LMX1B: variants seen among roughly 807,000 people sequenced by gnomAD.
LMX1B encodes the protein LIM homeobox transcription factor 1-beta.
LMX1B carries 12 observed loss-of-function variants against 51.4 expected under a neutral mutation model. That is an observed-to-expected ratio of 0.23 (90% CI 0.15 to 0.38). The LOEUF is 0.38. Among genes scored for constraint, LMX1B ranks in the 10% least tolerant of loss-of-function variants. The probability of loss-of-function intolerance (pLI) is 1.00; values close to 1 mark genes in which losing one functional copy is unlikely to be tolerated. For synonymous variants in LMX1B, 237 were observed against 235.4 expected (o/e 1.01, Z -0.06); for missense variants, 445 against 571.1 (o/e 0.78, Z 2.25).
At chr9:126,667,029 G>A (rs940116501) in intron 2 of LMX1B, among the ~76,000 whole-genome samples, 6 of 152,064 alleles carry the variant, frequency 3.9e-5, no homozygotes, top group Admixed American at 6.6e-5. Context: ...TTACAAAATC[G>A]TTGTTGCTCA....
rs1461978294 is a variant in LMX1B, at chr9:126,671,607, C to T, written c.327-19229C>T. ...CCCCAGACGGGGCACTGCTCCAGGC[C>T]GGCTCTGGCTCTCTAATCCTGTATC... On this transcript the variant is annotated intron_variant, in intron 2 of 7. Coordinates refer to ENST00000373474, the MANE Select transcript of LMX1B (RefSeq NM_001174147.2). The surrounding 1 kb of genome is among the most constrained non-coding windows in gnomAD (Gnocchi z 4.4). Among the ~76,000 whole-genome samples, 3 of 152,226 alleles carry T rather than the reference C, an allele frequency of 2.0e-5. No individual in the cohort carries two copies. The highest frequency in any genetic ancestry group is 1.9e-4 in the East Asian group (1 of 5,194).
In LMX1B at chr9:126,615,580, C is replaced by T. The variant is rs554406767; in HGVS notation, c.326+11C>T. The T allele has an allele frequency of 6.3e-7, 1 of 1,599,834 alleles. No individual in the cohort carries two copies. Among genetic ancestry groups the T allele is most frequent in the Non-Finnish European group, 8.5e-7 (1 of 1,173,134 alleles). On this transcript the variant is annotated intron_variant, in intron 2 of 7. Coordinates refer to ENST00000373474, the MANE Select transcript of LMX1B (RefSeq NM_001174147.2). This position sits in a 1 kb window ranked among gnomAD's most constrained non-coding sequence, Gnocchi z 6.0. ...ACAAGACTACCAACAGTAAGCGCTT[C>T]TCGTCCTCCTTCCCCGCCACCGCCC...
intron 2 of LMX1B, among the ~76,000 whole-genome samples, chr9:126,638,122 C>T (rs1443596403): frequency 6.6e-6 from 1 of 152,012 alleles, no homozygotes; most frequent in African/African-American, 2.4e-5. Flanking sequence ...GGCAGCAGTT[C>T]CAGGGCAGGG....
At chr9:126,634,225 G>GA (rs1835676244) in intron 2 of LMX1B, among the ~76,000 whole-genome samples, 1 of 152,218 alleles carries the variant, frequency 6.6e-6, no homozygotes, top group Non-Finnish European at 1.5e-5. Context: ...ACTTTGGCAG[G>GA]ATGGGGCATG....
chr9:126,693,574 G>A lies in LMX1B; in HGVS notation c.792G>A (p.Gln264=). Reference sequence around the variant, plus strand: ...CGGGCCTCAGTGTGCGCGTGGTCCAGGTCTGGTTTCAGAACCAAAGAGCAA... The same window carrying A: ...CGGGCCTCAGTGTGCGCGTGGTCCAAGTCTGGTTTCAGAACCAAAGAGCAA... ...AETGLSVRVV[Q]VWFQNQRAKM... Residue 264 remains glutamine (Q), a synonymous_variant, in exon 5 of 8, where the codon CAG becomes CAA. Coordinates refer to ENST00000373474, the MANE Select transcript of LMX1B (RefSeq NM_001174147.2). The A allele has an allele frequency of 6.2e-7, 1 of 1,614,168 alleles. No individual in the cohort carries two copies. The highest frequency in any genetic ancestry group is 1.3e-5 in the African/African-American group (1 of 75,058).
rs376415322 is a variant in LMX1B at position 126,615,759 on chromosome 9, G to A, written c.326+190G>A. Among the ~76,000 whole-genome samples the A allele has an allele frequency of 2.1e-4, 32 of 152,292 alleles. No homozygotes were observed. Among genetic ancestry groups the A allele is most frequent in the African/African-American group, 6.0e-4 (25 of 41,576 alleles). ...AGCCCAGCCCAGCGGGCACTGATGGGGTCCTGGGAGCCTCCGGACGGCCCC... is the reference window on the plus strand; with the variant it reads ...AGCCCAGCCCAGCGGGCACTGATGGAGTCCTGGGAGCCTCCGGACGGCCCC... On this transcript the variant is annotated intron_variant, in intron 2 of 7. Coordinates refer to ENST00000373474, the MANE Select transcript of LMX1B (RefSeq NM_001174147.2). The surrounding 1 kb of genome is among the most constrained non-coding windows in gnomAD (Gnocchi z 6.0).
rs1459528437 is a variant in LMX1B, at chr9:126,615,695, G to A, written c.326+126G>A. The A allele has an allele frequency of 5.9e-6, 5 of 849,818 alleles. No homozygotes were observed. In the African/African-American group the frequency reaches 9.1e-5, roughly 15 times the overall value. 52.6% of individuals were successfully genotyped at this position (849,818 alleles called of 1,614,324 possible). A position where few individuals can be genotyped will look rare whatever the true frequency, so the allele number is the denominator to read the frequency against. On this transcript the variant is annotated intron_variant, in intron 2 of 7. Transcript: ENST00000373474. The surrounding 1 kb of genome is among the most constrained non-coding windows in gnomAD (Gnocchi z 6.0). Reference sequence around the variant, plus strand: ...GCGCGGCTGGGCCGGGCAGCTCCAAGGGTTCCGAGAGCTGCGCGTCTTGGG... The same window carrying A: ...GCGCGGCTGGGCCGGGCAGCTCCAAAGGTTCCGAGAGCTGCGCGTCTTGGG...
chr9:126,669,331 G>C (rs1314911536), intron 2 of LMX1B, among the ~76,000 whole-genome samples: 1 of 152,206 alleles, frequency 6.6e-6, no homozygotes, highest in Non-Finnish European at 1.5e-5. Flanking sequence ...CAATCTGTGA[G>C]TCGGGAGCCC....
At chr9:126,642,581 C>T (rs1835828936) in intron 2 of LMX1B, among the ~76,000 whole-genome samples, 1 of 152,246 alleles carries the variant, frequency 6.6e-6, no homozygotes, top group Non-Finnish European at 1.5e-5. Context: ...TCTGGGCACC[C>T]CCAGCTGTCC....
At position 126,613,975 on chromosome 9, in the gene LMX1B, G is replaced by C. The variant is rs1393518246; in HGVS notation, c.-475G>C. Reference sequence around the variant, plus strand: ...GCTCAGCGGGCGCACCATGGCACTGGAGTAGCGCGGGGAGCGCGCCCGGAG... The same window carrying C: ...GCTCAGCGGGCGCACCATGGCACTGCAGTAGCGCGGGGAGCGCGCCCGGAG... On this transcript the variant is annotated 5_prime_UTR_variant, in exon 1 of 8. Coordinates refer to ENST00000373474, the MANE Select transcript of LMX1B (RefSeq NM_001174147.2). The surrounding 1 kb of genome is among the most constrained non-coding windows in gnomAD (Gnocchi z 4.5). Among the ~76,000 whole-genome samples, 2 of 145,580 alleles carry C rather than the reference G, an allele frequency of 1.4e-5. No individual in the cohort carries two copies. The highest frequency in any genetic ancestry group is 6.8e-5 in the Admixed American group (1 of 14,670).
chr9:126,676,344 C>T (rs1240062384), intron 2 of LMX1B, among the ~76,000 whole-genome samples: 1 of 152,208 alleles, frequency 6.6e-6, no homozygotes, highest in Non-Finnish European at 1.5e-5. Context: ...TGCTCCCCAC[C>T]ACAGTCCCCA....
At chr9:126,634,351 G>A (rs1048153713) in intron 2 of LMX1B, among the ~76,000 whole-genome samples, 2 of 152,202 alleles carry the variant, frequency 1.3e-5, no homozygotes, top group African/African-American at 4.8e-5. Flanking sequence ...GCCAGCGTCA[G>A]TTTCATACAG....
rs1422154650 is a variant in LMX1B at position 126,625,526 on chromosome 9, G to A, written c.326+9957G>A. Among the ~76,000 whole-genome samples the A allele has an allele frequency of 1.3e-5, 2 of 152,202 alleles. No individual in the cohort carries two copies. The highest frequency in any genetic ancestry group is 4.8e-5 in the African/African-American group (2 of 41,450). Reference sequence around the variant, plus strand: ...GAGATGCCAGGCTGGGGCCCTCGGCGGGGCAGATTTCGTTGGATCCCTGGG... The same window carrying A: ...GAGATGCCAGGCTGGGGCCCTCGGCAGGGCAGATTTCGTTGGATCCCTGGG... On this transcript the variant is annotated intron_variant, in intron 2 of 7. Coordinates refer to ENST00000373474, the MANE Select transcript of LMX1B (RefSeq NM_001174147.2). This position sits in a 1 kb window ranked among gnomAD's most constrained non-coding sequence, Gnocchi z 5.3.
intron 2 of LMX1B, among the ~76,000 whole-genome samples, chr9:126,681,579 C>CT (rs1162041938): frequency 6.6e-6 from 1 of 152,066 alleles, no homozygotes; most frequent in Non-Finnish European, 1.5e-5. Context: ...CGGTGCCCCC[C>CT]CTACAGGTGC....
chr9:126,628,606 C>G (rs1045359982), intron 2 of LMX1B, among the ~76,000 whole-genome samples: 3 of 152,186 alleles, frequency 2.0e-5, no homozygotes, highest in Non-Finnish European at 4.4e-5. Flanking sequence ...TCCCAGAGAT[C>G]TGAAGCGAAA....
chr9:126,638,012 G>A (rs991318350), intron 2 of LMX1B, among the ~76,000 whole-genome samples: 1 of 152,194 alleles, frequency 6.6e-6, no homozygotes, highest in Admixed American at 6.5e-5. Context: ...CCGCAGCCCT[G>A]CCCGGGGACC....
chr9:126,678,891 G>C (rs1370757541), intron 2 of LMX1B, among the ~76,000 whole-genome samples: 1 of 152,228 alleles, frequency 6.6e-6, no homozygotes, highest in Non-Finnish European at 1.5e-5. Context: ...AATGGAGTTT[G>C]TTCCAGAAAA....
intron 2 of LMX1B, among the ~76,000 whole-genome samples, chr9:126,682,272 T>C (rs1308791554): frequency 6.6e-6 from 1 of 151,782 alleles, no homozygotes; most frequent in African/African-American, 2.4e-5. Context: ...AAGGAGCCAC[T>C]TCCCCCGATA....
chr9:126,652,296 AGGG>A (rs3841407), intron 2 of LMX1B, among the ~76,000 whole-genome samples: 1 of 120,362 alleles, frequency 8.3e-6, no homozygotes, highest in East Asian at 2.8e-4. Context: ...GAGGAGGAGA[AGGG>A]GGGGGGGATT....
Sources: gnomAD v4.1 joint callset for allele counts (sites outside exome capture counted in the v4.1 genomes callset) on GRCh38, gnomAD v4.1.1 for gene constraint, Gnocchi (gnomAD v3.1) non-coding constraint, MANE v1.5 for transcripts, NCBI Gene and HGNC (gene_info 2026-07-23, HGNC 2026-07-21) for gene names.